The following SH3PXD2B variants were observed in gnomAD, a reference collection of about 807,000 sequenced individuals.
SH3PXD2B encodes the protein SH3 and PX domain-containing protein 2B.
A neutral mutation model predicts 73.1 loss-of-function variants in SH3PXD2B; 37 were observed. The ratio of observed to expected loss-of-function variants is 0.51; its 90% CI spans 0.39 to 0.67. The LOEUF is 0.67. Among genes scored for constraint, SH3PXD2B ranks in the 30% least tolerant of loss-of-function variants. The pLI is 0.00. For synonymous variants in SH3PXD2B, 457 were observed against 480.5 expected (o/e 0.95, Z 0.64); for missense variants, 1,053 against 1,197.8 (o/e 0.88, Z 1.78).
chr5:172,413,602 C>A (rs1475533344), intron 2 of SH3PXD2B, among the ~76,000 whole-genome samples: 1 of 152,230 alleles, frequency 6.6e-6, no homozygotes, highest in Non-Finnish European at 1.5e-5. Flanking sequence ...GTCAGCCACT[C>A]TCTGGGAAAG....
At chr5:172,393,717 T>C (rs59242401) in intron 4 of SH3PXD2B, among the ~76,000 whole-genome samples, 2,439 of 152,262 alleles carry the variant, frequency 0.016, 58 homozygotes, top group African/African-American at 0.055. Context: ...GATTTTAACT[T>C]GGAGAAACAA....
chr5:172,361,709 G>A (rs148508900), intron 7 of SH3PXD2B, among the ~76,000 whole-genome samples: 160 of 152,294 alleles, frequency 1.1e-3, no homozygotes, highest in African/African-American at 3.7e-3. Context: ...GATGTGGGGT[G>A]AGTGACTGAG....
intron 1 of SH3PXD2B, among the ~76,000 whole-genome samples, chr5:172,441,269 A>T (rs1006323961): frequency 3.9e-5 from 6 of 152,172 alleles, no homozygotes; most frequent in Admixed American, 6.5e-5. Flanking sequence ...GGCCCAAATC[A>T]TATAACTGGA....
intron 1 of SH3PXD2B, among the ~76,000 whole-genome samples, chr5:172,425,617 G>A (rs1759078212): frequency 6.6e-6 from 1 of 152,114 alleles, no homozygotes; most frequent in African/African-American, 2.4e-5. Flanking sequence ...CGGGAGGAAG[G>A]GGCTGAGCGG....
intron 3 of SH3PXD2B, among the ~76,000 whole-genome samples, chr5:172,401,060 T>C (rs534007149): frequency 2.0e-5 from 3 of 152,322 alleles, no homozygotes; most frequent in Admixed American, 1.3e-4. Context: ...TTGTTAACGA[T>C]TGGCAAGCCA....
intron 6 of SH3PXD2B, among the ~76,000 whole-genome samples, chr5:172,372,839 T>C (rs1399643558): frequency 6.6e-6 from 1 of 152,082 alleles, no homozygotes; most frequent in Non-Finnish European, 1.5e-5. Flanking sequence ...CCTAGGAAAT[T>C]AAAGAGCGCT....
intron 1 of SH3PXD2B, among the ~76,000 whole-genome samples, chr5:172,439,691 C>T (rs79198163): frequency 0.31 from 36,499 of 119,284 alleles, 5,181 homozygotes; most frequent in East Asian, 0.65. Context: ...CGCACGCGCG[C>T]GCACACACAC....
rs376067253 is a variant in SH3PXD2B, at chr5:172,348,404, A to G, written c.1013-1072T>C. Among the ~76,000 whole-genome samples the G allele has an allele frequency of 5.3e-5, 8 of 151,834 alleles. No homozygotes were observed. In the East Asian group the frequency reaches 1.6e-3, roughly 29 times the overall value. On this transcript the variant is annotated intron_variant, in intron 10 of 12. Transcript: ENST00000311601. ...CAATGCACTGCTTTTCATTGGCTGG[A>G]CTAGTAGTGAGCCGTTCTGGACCGA... is the stretch of plus-strand genomic sequence containing the variant.
downstream of SH3PXD2B, among the ~76,000 whole-genome samples, chr5:172,332,248 TTTCC>T (rs1449714257): frequency 2.2e-4 from 28 of 126,916 alleles, 3 homozygotes; most frequent in African/African-American, 7.5e-4. Context: ...CGCATGACTT[TTTCC>T]TTCCTTTTTT....
chr5:172,390,815 T>TGGGTGTGTGTGTGTGTG (rs1758168687), intron 4 of SH3PXD2B, among the ~76,000 whole-genome samples: 1 of 139,898 alleles, frequency 7.1e-6, no homozygotes, highest in African/African-American at 2.7e-5. Flanking sequence ...TTCCCGTCTT[T>TGGGTGTGTGTGTGTGTG]TGTGTGTGTG....
chr5:172,376,314 C>T (rs1256144897), intron 5 of SH3PXD2B, among the ~76,000 whole-genome samples: 1 of 152,134 alleles, frequency 6.6e-6, no homozygotes, highest in African/African-American at 2.4e-5. Flanking sequence ...CACGTATGAG[C>T]CACCATGCCT....
At chr5:172,409,148 G>A (rs1270979949) in intron 2 of SH3PXD2B, among the ~76,000 whole-genome samples, 2 of 152,096 alleles carry the variant, frequency 1.3e-5, no homozygotes, top group Non-Finnish European at 2.9e-5. Context: ...CTGAGAGGCC[G>A]AGGTGGGTGG....
At chr5:172,409,368 G>A (rs1758637441) in intron 2 of SH3PXD2B, among the ~76,000 whole-genome samples, 1 of 152,074 alleles carries the variant, frequency 6.6e-6, no homozygotes. Context: ...GACAACAAGA[G>A]CAAAACTCTG....
At position 172,410,478 on chromosome 5, in the gene SH3PXD2B, A is replaced by C. The variant is rs552848438; in HGVS notation, c.157-4126T>G. Among the ~76,000 whole-genome samples, 16 of 152,318 alleles carry C rather than the reference A, an allele frequency of 1.1e-4. No homozygotes were observed. In the East Asian group the frequency reaches 3.1e-3, roughly 29 times the overall value. ...CAAGAGCTCTTCAATGCCAGCACAT[A>C]GTAGATGCTCAATAAAAACGGGCTG... On this transcript the variant is annotated intron_variant, in intron 2 of 12. Coordinates refer to ENST00000311601, the MANE Select transcript of SH3PXD2B (RefSeq NM_001017995.3).
At chr5:172,376,115 T>C (rs999438157) in intron 5 of SH3PXD2B, among the ~76,000 whole-genome samples, 1 of 151,386 alleles carries the variant, frequency 6.6e-6, no homozygotes, top group Non-Finnish European at 1.5e-5. Context: ...CTGCAACCTC[T>C]GCCTCCCAGG....
chr5:172,427,180 C>T (rs1045343059), intron 1 of SH3PXD2B, among the ~76,000 whole-genome samples: 4 of 152,104 alleles, frequency 2.6e-5, no homozygotes, highest in Non-Finnish European at 4.4e-5. Flanking sequence ...GAGAAAATTC[C>T]GACACATGCT....
At chr5:172,451,447 G>C (rs151250392) in intron 1 of SH3PXD2B, among the ~76,000 whole-genome samples, 14 of 152,286 alleles carry the variant, frequency 9.2e-5, no homozygotes, top group Admixed American at 9.2e-4. Context: ...TGGGAAGGGG[G>C]ATAACTAGCT....
At chr5:172,325,221 A>T (rs953345183) in exon 13 of SH3PXD2B, 2 of 1,292,386 alleles carry the variant, frequency 1.5e-6, no homozygotes, top group Non-Finnish European at 2.1e-6. Context: ...AAAAAAATAC[A>T]GTAAAAGCAG....
At chr5:172,354,338 C>T (rs919010731) in intron 8 of SH3PXD2B, among the ~76,000 whole-genome samples, 2 of 152,198 alleles carry the variant, frequency 1.3e-5, no homozygotes, top group Admixed American at 6.5e-5. Flanking sequence ...TATTGCCCCC[C>T]ACCCATACTA....
Sources: allele counts gnomAD v4.1 joint callset (sites outside exome capture counted in the v4.1 genomes callset), GRCh38; gene constraint gnomAD v4.1.1; transcripts MANE v1.5; gene names NCBI Gene and HGNC (gene_info 2026-07-23, HGNC 2026-07-21).